RELL1: variants seen among roughly 807,000 people sequenced by gnomAD.
RELL1 encodes RELT-like protein 1.
Under a neutral mutation model 23.0 loss-of-function variants are expected in RELL1, and 10 were observed. That is an observed-to-expected ratio of 0.43 (90% CI 0.27 to 0.74). The LOEUF is 0.74. Ranked by LOEUF, RELL1 falls within the 30% of genes least tolerant of loss-of-function variation. The pLI, the probability that RELL1 is intolerant of heterozygous loss-of-function variation, is 0.19. For missense variants in RELL1, 315 were observed against 364.4 expected, an observed-to-expected ratio of 0.86 and a Z score of 1.10; for synonymous variants, 146 against 146.8, an observed-to-expected ratio of 0.99 and a Z score of 0.04.
chr4:37,621,920 C>G (rs544102376), intron 6 of RELL1, among the ~76,000 whole-genome samples: 35 of 152,170 alleles, frequency 2.3e-4, no homozygotes, highest in Admixed American at 6.5e-4. Context: ...AGAACAAGGC[C>G]ATGGAAGAAT....
chr4:37,590,317 G>A (rs1218139497), downstream of RELL1: 2 of 1,613,814 alleles, frequency 1.2e-6, no homozygotes, highest in African/African-American at 1.3e-5. Context: ...CCCACAGGGG[G>A]ACGCTGGAGG....
chr4:37,640,138 G>A (rs1720476398), intron 3 of RELL1, among the ~76,000 whole-genome samples: 1 of 152,128 alleles, frequency 6.6e-6, no homozygotes, highest in Non-Finnish European at 1.5e-5. Flanking sequence ...CAACCCTTGA[G>A]AACATATGGG....
chr4:37,666,287 C>T lies in RELL1; in HGVS notation c.89-16787G>A, dbSNP rs77021974. On this transcript the variant is annotated intron_variant, in intron 1 of 6. Coordinates refer to ENST00000454158, the MANE Select transcript of RELL1 (RefSeq NM_001085400.2). Reference sequence around the variant, plus strand: ...AACATTTGAACCAAGGTCTGTTGCACGCAGGGCCAACTCTGAAGCAAGACT... The same window carrying T: ...AACATTTGAACCAAGGTCTGTTGCATGCAGGGCCAACTCTGAAGCAAGACT... Among the ~76,000 whole-genome samples, 1,308 of 152,236 alleles carry T rather than the reference C, an allele frequency of 8.6e-3. 39 individuals carry two copies. Among genetic ancestry groups the T allele is most frequent in the Admixed American group, 0.06 (923 of 15,282 alleles).
At chr4:37,678,122 AGAGGAGCAGGCACAT>A (rs147294515) in intron 1 of RELL1, among the ~76,000 whole-genome samples, 2,612 of 152,328 alleles carry the variant, frequency 0.017, 64 homozygotes, top group African/African-American at 0.059. Context: ...AGAAGGCAAC[AGAGGAGCAGGCACAT>A]CACATGGCGG....
At chr4:37,649,861 C>T (rs1239648695) in intron 1 of RELL1, among the ~76,000 whole-genome samples, 1 of 152,224 alleles carries the variant, frequency 6.6e-6, no homozygotes, top group Non-Finnish European at 1.5e-5. Flanking sequence ...ATAAACACTA[C>T]ATGTAACATT....
At chr4:37,676,906 C>T (rs1722039751) in intron 1 of RELL1, among the ~76,000 whole-genome samples, 1 of 152,144 alleles carries the variant, frequency 6.6e-6, no homozygotes, top group Non-Finnish European at 1.5e-5. Context: ...TCTGAGCCTA[C>T]AATGGCGAAC....
chr4:37,644,914 G>A (rs76893689), intron 3 of RELL1, among the ~76,000 whole-genome samples: 22,934 of 152,104 alleles, frequency 0.15, 1,967 homozygotes, highest in East Asian at 0.25. Flanking sequence ...AACAGACTAT[G>A]GAACCAGAAC....
At position 37,634,960 on chromosome 4, in the gene RELL1, T is replaced by C. The variant is rs568561365; in HGVS notation, c.607A>G (p.Ile203Val). 6.2e-7 allele frequency: 1 copy of C among 1,614,226 alleles called. No individual in the cohort carries two copies. Among genetic ancestry groups the C allele is most frequent in the East Asian group, 2.2e-5 (1 of 44,874 alleles). ...HRCRHKRWHF[I>V]KPTNKSRESR... ...TCTCTGGACTTGTTAGTGGGCTTTA[T>C]AAAGTGCCACCGCTTGTGCCTACAC... Residue 203 changes from isoleucine (I) to valine (V), a missense_variant, in exon 5 of 7, where the codon ATA becomes GTA. Ile to Val is a conservative substitution (Grantham distance 29, BLOSUM62 3). Transcript: ENST00000454158.
chr4:37,620,935 T>C (rs531738171), intron 6 of RELL1, among the ~76,000 whole-genome samples: 82 of 152,314 alleles, frequency 5.4e-4, no homozygotes, highest in Admixed American at 5.4e-3. Flanking sequence ...GTAGTATTAT[T>C]ATCCCCACTT....
In RELL1 at chr4:37,596,382, C is replaced by T. The variant is rs151234693; in HGVS notation, c.*4-5165G>A. ...GTCTTGAGTGGGGTCCTGGCATCTA[C>T]ATCGTTTTTGTAAGTAATTCTCCGC... is the stretch of plus-strand genomic sequence containing the variant. On this transcript the variant is annotated intron_variant, in intron 6 of 6. Transcript: ENST00000314117. Among the ~76,000 whole-genome samples, 321 of 152,120 alleles carry T rather than the reference C, an allele frequency of 2.1e-3. 2 individuals are homozygous for T. Among genetic ancestry groups the T allele is most frequent in the African/African-American group, 7.5e-3 (310 of 41,462 alleles).
chr4:37,626,780 G>A (rs770602572), intron 6 of RELL1, among the ~76,000 whole-genome samples: 12 of 151,538 alleles, frequency 7.9e-5, no homozygotes, highest in Non-Finnish European at 1.3e-4. Context: ...AAATAAGCCA[G>A]GCACAGAACG....
chr4:37,600,111 A>G (rs1384908726), intron 6 of RELL1, among the ~76,000 whole-genome samples: 1 of 152,076 alleles, frequency 6.6e-6, no homozygotes, highest in African/African-American at 2.4e-5. Context: ...CTCTACTAAA[A>G]ATATAAAAAT....
At chr4:37,598,312 A>T (rs1718932243) in intron 6 of RELL1, among the ~76,000 whole-genome samples, 1 of 150,186 alleles carries the variant, frequency 6.7e-6, no homozygotes, top group South Asian at 2.1e-4. Flanking sequence ...ATATAGAGAA[A>T]AAATCTGCAA....
intron 6 of RELL1, among the ~76,000 whole-genome samples, chr4:37,624,691 A>G (rs1719883418): frequency 6.6e-6 from 1 of 151,990 alleles, no homozygotes; most frequent in Non-Finnish European, 1.5e-5. Flanking sequence ...GGCCTCCCAC[A>G]GTGCTGGGAT....
chr4:37,678,239 A>G (rs1405840114), intron 1 of RELL1, among the ~76,000 whole-genome samples: 1 of 152,200 alleles, frequency 6.6e-6, no homozygotes, highest in African/African-American at 2.4e-5. Flanking sequence ...TGAGGGCAGC[A>G]CTTCTCATGA....
intron 1 of RELL1, among the ~76,000 whole-genome samples, chr4:37,658,782 G>A (rs2089346): frequency 0.13 from 20,389 of 152,160 alleles, 1,519 homozygotes; most frequent in Middle Eastern, 0.19. Flanking sequence ...CTAAATGATG[G>A]CCTATTCTTT....
downstream of RELL1, among the ~76,000 whole-genome samples, chr4:37,587,189 G>A (rs894670960): frequency 5.3e-5 from 8 of 152,028 alleles, no homozygotes; most frequent in African/African-American, 1.4e-4. Flanking sequence ...ATAATCAAAT[G>A]TCCCTCCACC....
intron 6 of RELL1, chr4:37,622,711 A>C: frequency 2.3e-6 from 1 of 430,640 alleles, no homozygotes; most frequent in South Asian, 1.7e-5. Context: ...AAGCTCTGTA[A>C]GAGTATGGTC....
rs35282918 is a variant in RELL1, at chr4:37,592,353, G to GGAA, written c.*4-1137_*4-1136insTTC. ...CAATTTAGCGAGACCCCATCTCTAT[G>GGAA]AAAAAAAAAAAAAAAAAAAGAGCTA... On this transcript the variant is annotated intron_variant, in intron 6 of 6. Transcript: ENST00000314117. Among the ~76,000 whole-genome samples, 15 of 108,194 alleles carry GGAA rather than the reference G, an allele frequency of 1.4e-4. 2 individuals are homozygous for GGAA. Among genetic ancestry groups the GGAA allele is most frequent in the Non-Finnish European group, 1.2e-4 (6 of 50,550 alleles). The allele number at this position is 108,194 out of a possible 152,430, so 71.0% of individuals were successfully genotyped here. A position where few individuals can be genotyped will look rare whatever the true frequency, so the allele number is the denominator to read the frequency against.
Sources: allele counts gnomAD v4.1 joint callset (sites outside exome capture counted in the v4.1 genomes callset), GRCh38; gene constraint gnomAD v4.1.1; transcripts MANE v1.5; gene names NCBI Gene and HGNC (gene_info 2026-07-23, HGNC 2026-07-21).